The following P3H3 variants were observed in gnomAD, a reference collection of about 807,000 sequenced individuals.
The protein encoded by P3H3 is prolyl 3-hydroxylase 3, also known as gene rich cluster, B.
Under a neutral mutation model 78.1 loss-of-function variants are expected in P3H3, and 64 were observed. That is an observed-to-expected ratio of 0.82 (90% CI 0.67 to 1.01). The LOEUF is 1.01. Among genes scored for constraint, P3H3 ranks in the 50% least tolerant of loss-of-function variants. The probability of loss-of-function intolerance (pLI) is 0.00; values close to 1 mark genes in which losing one functional copy is unlikely to be tolerated. For synonymous variants in P3H3, 425 were observed against 416.7 expected, an observed-to-expected ratio of 1.02 and a Z score of -0.24; for missense variants, 975 against 982.2, an observed-to-expected ratio of 0.99 and a Z score of 0.10.
Position 6,830,457 on chromosome 12 carries a change from C to T in P3H3, c.756C>T (p.Ser252=), listed in dbSNP as rs1555121170. ...AGGGGAGCCTGGCCCAGATGGAGAG[C>T]TGCCGTGCTGACTGTGAGGGGCCTG... The part of the protein sequence containing the change: ...ALQGSLAQME[S]CRADCEGPEE... Residue 252 remains serine, a synonymous_variant, in exon 3 of 15, where the codon AGC becomes AGT. Transcript: ENST00000290510. The T allele has an allele frequency of 1.3e-6, 2 of 1,587,202 alleles. No homozygotes were observed. Among genetic ancestry groups the T allele is most frequent in the Non-Finnish European group, 1.7e-6 (2 of 1,167,892 alleles).
chr12:6,831,229 C>T lies in P3H3; in HGVS notation c.999C>T (p.Ser333=). The T allele has an allele frequency of 6.2e-7, 1 of 1,613,810 alleles. No individual in the cohort carries two copies. The highest frequency in any genetic ancestry group is 8.5e-7 in the Non-Finnish European group (1 of 1,179,826). Residue 333 remains serine, a synonymous_variant, in exon 5 of 15, where the codon TCC becomes TCT. Transcript: ENST00000290510. The surrounding 1 kb of genome is among the most constrained non-coding windows in gnomAD (Gnocchi z 4.6). ...CTCCCTCTCCAGTGGGCAATCTGTC[C>T]CAGGCTATAGAAAATGTCCTGAGTG... ...HEAHAQVGNL[S]QAIENVLSVL... is the part of the protein sequence containing the mutation.
chr12:6,829,886 G>C lies in P3H3; in HGVS notation c.526G>C (p.Ala176Pro), dbSNP rs782562523. ...GAAGAAGCTGGATCTGGCAGCTGCG[G>C]CAGCACACACCTTCTTTGTAGCAAA... ...QLKKLDLAAAAAHTFFVANPM... is the reference protein window; with the variant it reads ...QLKKLDLAAAPAHTFFVANPM... Residue 176 changes from alanine to proline, a missense_variant, in exon 2 of 15, where the codon GCA becomes CCA. Physicochemically the swap from Ala to Pro is conservative, Grantham distance 27 (BLOSUM62 -1). Coordinates refer to ENST00000290510, the MANE Select transcript of P3H3 (RefSeq NM_014262.5). The surrounding 1 kb of genome is among the most constrained non-coding windows in gnomAD (Gnocchi z 5.1). 3.1e-6 allele frequency: 5 copies of C among 1,614,032 alleles called. No individual in the cohort carries two copies. Among genetic ancestry groups the C allele is most frequent in the Non-Finnish European group, 2.5e-6 (3 of 1,179,898 alleles).
At position 6,831,812 on chromosome 12, in the gene P3H3, A is replaced by G; in HGVS notation, c.1123-13A>G. ...CTCCAGCTACCCCTCACTGCTCATC[A>G]TCTCACCCTCAGGACATCCAGCGCT... On this transcript the variant is annotated splice_polypyrimidine_tract_variant and intron_variant, in intron 5 of 14. Coordinates refer to ENST00000290510, the MANE Select transcript of P3H3 (RefSeq NM_014262.5). This position sits in a 1 kb window ranked among gnomAD's most constrained non-coding sequence, Gnocchi z 4.6. 1.3e-6 allele frequency: 2 copies of G among 1,568,564 alleles called. No individual in the cohort carries two copies. Among genetic ancestry groups the G allele is most frequent in the East Asian group, 4.5e-5 (2 of 44,324 alleles).
intron 9 of P3H3, among the ~76,000 whole-genome samples, chr12:6,834,450 A>C (rs1427752731): frequency 6.6e-6 from 1 of 152,166 alleles, no homozygotes; most frequent in Non-Finnish European, 1.5e-5. Context: ...CCATTTTATG[A>C]AGCTTCAACC....
chr12:6,833,467 G>T, intron 6 of P3H3, 125 bp from the exon 7 acceptor site: 1 of 917,030 alleles, frequency 1.1e-6, no homozygotes, highest in Non-Finnish European at 1.7e-6. Flanking sequence ...TTGAGTCCCG[G>T]GCTTTTCCTA....
chr12:6,836,046 T>C (rs1943492705), intron 9 of P3H3, among the ~76,000 whole-genome samples: 1 of 152,106 alleles, frequency 6.6e-6, no homozygotes, highest in South Asian at 2.1e-4. Flanking sequence ...AGCAACGTGG[T>C]AAAACCCCGT....
Position 6,828,647 on chromosome 12 carries a change from G to T in P3H3, c.207G>T (p.Ala69=), listed in dbSNP as rs1246655585. The part of the protein sequence containing the change: ...LLREALRSQA[A]LGRVRLDCGA... Reference sequence around the variant, plus strand: ...GGGAGGCGCTGCGGAGCCAGGCGGCGCTGGGCCGGGTGCGGCTGGATTGCG... The same window carrying T: ...GGGAGGCGCTGCGGAGCCAGGCGGCTCTGGGCCGGGTGCGGCTGGATTGCG... Residue 69 remains alanine (A), a synonymous_variant, in exon 1 of 15, where the codon GCG becomes GCT. Transcript: ENST00000290510. 6 of 1,224,476 alleles carry T rather than the reference G, an allele frequency of 4.9e-6. No homozygotes were observed. The highest frequency in any genetic ancestry group is 4.7e-5 in the African/African-American group (3 of 63,486). The allele number at this position is 1,224,476 out of a possible 1,614,324, so 75.9% of individuals were successfully genotyped here.
Position 6,829,685 on chromosome 12 carries a change from TG to T in P3H3, c.499-172del. ...CAGCCTTCTGAGAGTCCCAACGTTC[TG>T]GCCTCTAGGGGATCTGCAGTTCGGG... On this transcript the variant is annotated intron_variant, in intron 1 of 14. Coordinates refer to ENST00000290510, the MANE Select transcript of P3H3 (RefSeq NM_014262.5). The surrounding 1 kb of genome is among the most constrained non-coding windows in gnomAD (Gnocchi z 5.1). 1.5e-6 allele frequency: 1 copy of T among 661,838 alleles called. No homozygotes were observed. Among genetic ancestry groups the T allele is most frequent in the Non-Finnish European group, 2.6e-6 (1 of 380,160 alleles). The allele number at this position is 661,838 out of a possible 1,614,324, so 41.0% of individuals were successfully genotyped here. A position where few individuals can be genotyped will look rare whatever the true frequency, so the allele number is the denominator to read the frequency against.
intron 13 of P3H3, 98 bp downstream of exon 13, chr12:6,838,131 C>T: frequency 1.3e-6 from 2 of 1,496,140 alleles, no homozygotes; most frequent in Non-Finnish European, 9.1e-7. Flanking sequence ...GGGAAATGGC[C>T]AGGGCTTTTA....
At position 6,837,021 on chromosome 12, in the gene P3H3, G is replaced by T; in HGVS notation, c.1495G>T (p.Gly499Cys). 1 of 1,609,834 alleles carries T rather than the reference G, an allele frequency of 6.2e-7. No individual in the cohort carries two copies. Reference sequence around the variant, plus strand: ...GGCTGGAGCCAGGTCTGGCTATCGTGGTCGCCGCTCCCCTCACACCCCCCA... The same window carrying T: ...GGCTGGAGCCAGGTCTGGCTATCGTTGTCGCCGCTCCCCTCACACCCCCCA... The part of the protein sequence containing the change: ...AGAGARSGYR[G>C]RRSPHTPHER... Residue 499 changes from glycine to cysteine, a missense_variant, in exon 10 of 15, where the codon GGT becomes TGT. Transcript: ENST00000290510.
chr12:6,833,031 T>G (rs2137962082), intron 6 of P3H3, among the ~76,000 whole-genome samples: 1 of 151,900 alleles, frequency 6.6e-6, no homozygotes, highest in East Asian at 2.0e-4. Flanking sequence ...AAAAATTAGC[T>G]GGGCGTGGTG....
In P3H3 at chr12:6,828,614, G is replaced by A; in HGVS notation, c.174G>A (p.Ala58=). Residue 58 remains alanine (A), a synonymous_variant, in exon 1 of 15, where the codon GCG becomes GCA. Transcript: ENST00000290510. ...YAAGAWAPAV[A]LLREALRSQA... ...CCGGGGCTTGGGCGCCGGCCGTGGC[G>A]CTGCTGCGGGAGGCGCTGCGGAGCC... is the stretch of plus-strand genomic sequence containing the variant. 8.2e-7 allele frequency: 1 copy of A among 1,217,430 alleles called. No individual in the cohort carries two copies. Among genetic ancestry groups the A allele is most frequent in the African/African-American group, 1.6e-5 (1 of 63,630 alleles). The allele number at this position is 1,217,430 out of a possible 1,614,324, so 75.4% of individuals were successfully genotyped here. A position where few individuals can be genotyped will look rare whatever the true frequency, so the allele number is the denominator to read the frequency against.
chr12:6,830,980 C>G (rs782596119), intron 4 of P3H3: 9 of 840,700 alleles, frequency 1.1e-5, no homozygotes, highest in Non-Finnish European at 1.8e-5. Context: ...CTTGCTGCTT[C>G]TCACCTTCCT....
At chr12:6,837,371 C>T (rs1343340875) in intron 10 of P3H3, 52 bp from the exon 11 acceptor site, 7 of 1,569,018 alleles carry the variant, frequency 4.5e-6, no homozygotes, top group Non-Finnish European at 6.0e-6. Context: ...AGGGCCGAGA[C>T]CACCCTCCCC....
In P3H3 at chr12:6,837,213, ACCCAG is replaced by A. The variant is rs1431488227; in HGVS notation, c.1560+129_1560+133del. On this transcript the variant is annotated intron_variant, in intron 10 of 14. Transcript: ENST00000290510. ...CTTGGGACCGAGACTACCTGATAGG[ACCCAG>A]CGTGGAGAAAAGGGATGTTCTGAGA... 4 of 996,038 alleles carry A rather than the reference ACCCAG, an allele frequency of 4.0e-6. No individual in the cohort carries two copies. The Admixed American group carries it at 9.8e-5, about 24-fold the overall frequency. 61.7% of individuals were successfully genotyped at this position (996,038 alleles called of 1,614,324 possible).
In P3H3 at chr12:6,828,677, G is replaced by A. The variant is rs1943409448; in HGVS notation, c.237G>A (p.Ala79=). 1 of 1,238,314 alleles carries A rather than the reference G, an allele frequency of 8.1e-7. No individual in the cohort carries two copies. Among genetic ancestry groups the A allele is most frequent in the Non-Finnish European group, 1.0e-6 (1 of 991,292 alleles). The allele number at this position is 1,238,314 out of a possible 1,614,324, so 76.7% of individuals were successfully genotyped here. The change falls in exon 1 of 15, where the codon GCG becomes GCA. Residue 79 remains alanine, a synonymous_variant. Coordinates refer to ENST00000290510, the MANE Select transcript of P3H3 (RefSeq NM_014262.5). The part of the protein sequence containing the change: ...ALGRVRLDCG[A]SCAADPGAAL... ...GCCGGGTGCGGCTGGATTGCGGGGCGAGCTGCGCGGCCGATCCGGGCGCCG... is the reference window on the plus strand; with the variant it reads ...GCCGGGTGCGGCTGGATTGCGGGGCAAGCTGCGCGGCCGATCCGGGCGCCG...
chr12:6,838,275 G>A (rs1169671122), intron 13 of P3H3, among the ~76,000 whole-genome samples: 1 of 152,152 alleles, frequency 6.6e-6, no homozygotes, highest in Non-Finnish European at 1.5e-5. Flanking sequence ...CAGCTTGCAG[G>A]TGCCTCCAGG....
chr12:6,831,391 A>C lies in P3H3; in HGVS notation c.1122+39A>C, dbSNP rs782203689. Reference sequence around the variant, plus strand: ...CACGCTCACCTGGGAGGTAGCCCCAAATCAAACAAATAGACCTGAGAAGTA... The same window carrying C: ...CACGCTCACCTGGGAGGTAGCCCCACATCAAACAAATAGACCTGAGAAGTA... On this transcript the variant is annotated intron_variant, in intron 5 of 14. Coordinates refer to ENST00000290510, the MANE Select transcript of P3H3 (RefSeq NM_014262.5). The surrounding 1 kb of genome is among the most constrained non-coding windows in gnomAD (Gnocchi z 4.6). 68 of 1,611,186 alleles carry C rather than the reference A, an allele frequency of 4.2e-5. 2 individuals are homozygous for C. In the South Asian group the frequency reaches 7.5e-4, roughly 18 times the overall value.
chr12:6,838,913 C>T (rs2069314422), intron 13 of P3H3, 87 bp from the exon 14 acceptor site: 6 of 1,206,660 alleles, frequency 5.0e-6, no homozygotes, highest in Non-Finnish European at 3.4e-6. Flanking sequence ...CTCTCTGTGC[C>T]CCTGTCCCCA....
Sources: gnomAD v4.1 joint callset for allele counts (sites outside exome capture counted in the v4.1 genomes callset) on GRCh38, gnomAD v4.1.1 for gene constraint, Gnocchi (gnomAD v3.1) non-coding constraint, MANE v1.5 for transcripts, NCBI Gene and HGNC (gene_info 2026-07-23, HGNC 2026-07-21) for gene names.